MIAT: variants seen among roughly 807,000 people sequenced by gnomAD.
MIAT encodes myocardial infarction associated transcript.
At chr22:26,646,476 G>A (rs1231141555) in exon 1 of MIAT, 12 of 399,050 alleles carry the variant, frequency 3.0e-5, no homozygotes, top group Non-Finnish European at 5.3e-5. Context: ...ACTGTACAGG[G>A]GTTGCTGACC....
rs76357418 is a variant in MIAT at position 26,663,337 on chromosome 22, T to C, written n.668T>C. The C allele has an allele frequency of 4.8e-3, 1,911 of 398,652 alleles. 10 individuals carry two copies. The highest frequency in any genetic ancestry group is 7.3e-3 in the Non-Finnish European group (1,657 of 226,054). The allele number at this position is 398,652 out of a possible 1,614,324, so 24.7% of individuals were successfully genotyped here. A position where few individuals can be genotyped will look rare whatever the true frequency, so the allele number is the denominator to read the frequency against. ...ACAGTTGGAGGCATCTGTCCACCCATGTGGTTCCAGACACGTTCATGTGGC... is the reference window on the plus strand; with the variant it reads ...ACAGTTGGAGGCATCTGTCCACCCACGTGGTTCCAGACACGTTCATGTGGC... On this transcript the variant is annotated non_coding_transcript_exon_variant, in exon 3 of 6. Transcript: ENST00000643270.
At chr22:26,669,615 G>A (rs1930971953) in exon 6 of MIAT, 1 of 398,630 alleles carries the variant, frequency 2.5e-6, no homozygotes, top group Admixed American at 4.4e-5. Flanking sequence ...TATGCATTTG[G>A]GGGAGGGGAC....
downstream of MIAT, chr22:26,674,173 TTAG>T (rs1170739830): frequency 5.0e-6 from 2 of 398,614 alleles, no homozygotes; most frequent in East Asian, 3.6e-5. Context: ...CATTTACATG[TTAG>T]TAGTATAAAT....
downstream of MIAT, chr22:26,670,325 A>G (rs1272501495): frequency 7.5e-6 from 3 of 398,268 alleles, no homozygotes; most frequent in Non-Finnish European, 1.3e-5. Flanking sequence ...CTGGGGTTTG[A>G]ACCTTTAGGA....
At chr22:26,662,473 C>A (rs1490455111) in intron 2 of MIAT, among the ~76,000 whole-genome samples, 1 of 152,154 alleles carries the variant, frequency 6.6e-6, no homozygotes, top group African/African-American at 2.4e-5. Context: ...TCTTGGTTTT[C>A]TTTCCTCTCT....
At chr22:26,675,398 T>C (rs1421624978) in exon 5 of MIAT, 3 of 398,532 alleles carry the variant, frequency 7.5e-6, no homozygotes, top group African/African-American at 2.1e-5. Flanking sequence ...GCGACGGATA[T>C]GATCTGAGAA....
intron 2 of MIAT, among the ~76,000 whole-genome samples, chr22:26,649,844 C>T (rs1191626885): frequency 6.6e-6 from 1 of 152,090 alleles, no homozygotes; most frequent in Non-Finnish European, 1.5e-5. Flanking sequence ...ACCTGGGAGG[C>T]AGAGCTTGTA....
At chr22:26,671,346 G>A, downstream of MIAT, 1 of 398,930 alleles carries the variant, frequency 2.5e-6, no homozygotes, top group East Asian at 3.6e-5. Context: ...CCCACTCCCT[G>A]GCTGGTGGGG....
At chr22:26,665,937 C>T in exon 4 of MIAT, 1 of 398,576 alleles carries the variant, frequency 2.5e-6, no homozygotes, top group Non-Finnish European at 4.4e-6. Flanking sequence ...CTGGGGACTC[C>T]CTGATGATGT....
intron 5 of MIAT, chr22:26,667,872 T>C (rs935597314): frequency 1.2e-5 from 3 of 240,624 alleles, no homozygotes; most frequent in South Asian, 1.8e-4. Flanking sequence ...AGTCTCATTA[T>C]GTTGCCCAGG....
intron 2 of MIAT, among the ~76,000 whole-genome samples, chr22:26,654,933 C>T (rs1271133719): frequency 6.6e-6 from 1 of 152,056 alleles, no homozygotes; most frequent in African/African-American, 2.4e-5. Context: ...AGGATGGTCT[C>T]GATCTCCTGA....
At chr22:26,673,150 T>C, downstream of MIAT, 1 of 398,578 alleles carries the variant, frequency 2.5e-6, no homozygotes, top group Non-Finnish European at 4.4e-6. Flanking sequence ...GAGCAAGAAG[T>C]GAACCTCAGG....
At chr22:26,647,958 G>A (rs1006567881) in intron 2 of MIAT, among the ~76,000 whole-genome samples, 1 of 152,156 alleles carries the variant, frequency 6.6e-6, no homozygotes, top group African/African-American at 2.4e-5. Context: ...GTCTCCTGCA[G>A]AGCTTGTCTT....
intron 2 of MIAT, among the ~76,000 whole-genome samples, chr22:26,655,061 T>A (rs1930402231): frequency 6.6e-6 from 1 of 152,194 alleles, no homozygotes; most frequent in Non-Finnish European, 1.5e-5. Context: ...CCCACCCTGA[T>A]AGTGGGCTGC....
At chr22:26,647,628 C>T (rs1930258149) in intron 2 of MIAT, among the ~76,000 whole-genome samples, 1 of 152,046 alleles carries the variant, frequency 6.6e-6, no homozygotes, top group Non-Finnish European at 1.5e-5. Flanking sequence ...GGGGGCCAGC[C>T]ATGGCAGGGT....
chr22:26,670,782 A>G (rs541740888), downstream of MIAT: 73 of 398,556 alleles, frequency 1.8e-4, no homozygotes, highest in African/African-American at 1.3e-3. Context: ...CTCATGGAAC[A>G]TCGTTTAGAA....
At chr22:26,666,671 T>A (rs1930853954) in exon 4 of MIAT, 1 of 398,634 alleles carries the variant, frequency 2.5e-6, no homozygotes, top group Non-Finnish European at 4.4e-6. Flanking sequence ...CTGGGAACCC[T>A]TCTCCCCTCA....
intron 2 of MIAT, among the ~76,000 whole-genome samples, chr22:26,647,881 A>T (rs1930264447): frequency 6.6e-6 from 1 of 151,360 alleles, no homozygotes; most frequent in Admixed American, 6.6e-5. Context: ...CTTGGAGTGC[A>T]TTGGGTGTGG....
At chr22:26,656,841 G>T (rs1055293700) in intron 2 of MIAT, among the ~76,000 whole-genome samples, 28 of 152,234 alleles carry the variant, frequency 1.8e-4, no homozygotes, top group Middle Eastern at 6.8e-3. Context: ...CAGGAGTTCG[G>T]GGGGGTGCGG....
Sources: gnomAD v4.1 joint callset for allele counts (sites outside exome capture counted in the v4.1 genomes callset) on GRCh38, gnomAD v4.1.1 for gene constraint, MANE v1.5 for transcripts, NCBI Gene and HGNC (gene_info 2026-07-23, HGNC 2026-07-21) for gene names.